Variants in TULP4 observed in about 807,000 individuals in gnomAD.
TULP4 encodes TUB like protein 4.
A neutral mutation model predicts 129.0 loss-of-function variants in TULP4; 16 were observed. The ratio of observed to expected loss-of-function variants is 0.12; its 90% CI spans 0.08 to 0.19. The LOEUF (loss-of-function observed/expected upper bound fraction) is 0.19, where lower values mean the gene tolerates loss of function less well. Ranked by LOEUF, TULP4 falls within the 10% of genes least tolerant of loss-of-function variation. The probability of loss-of-function intolerance (pLI) is 1.00; values close to 1 mark genes in which losing one functional copy is unlikely to be tolerated. For synonymous variants in TULP4, 998 were observed against 854.0 expected, an observed-to-expected ratio of 1.17 and a Z score of -2.94; for missense variants, 1,842 against 2,059.1, an observed-to-expected ratio of 0.89 and a Z score of 2.04.
intron 13 of TULP4, among the ~76,000 whole-genome samples, chr6:158,506,011 G>C (rs938301780): frequency 1.3e-5 from 2 of 151,940 alleles, no homozygotes; most frequent in African/African-American, 2.4e-5. Context: ...GATGGAGCTG[G>C]AGGCCATTGT....
rs370177605 is a variant in TULP4, at chr6:158,502,583, G to A, written c.2920G>A (p.Ala974Thr). ...IASQLAQGRG[A>T]AQRSDNSLIH... is the part of the protein sequence containing the mutation. ...CAGCCAGCTGGCCCAGGGGCGGGGGGCTGCCCAGAGGTCCGACAATAGCCT... is the reference window on the plus strand; with the variant it reads ...CAGCCAGCTGGCCCAGGGGCGGGGGACTGCCCAGAGGTCCGACAATAGCCT... Residue 974 changes from alanine to threonine, a missense_variant, in exon 13 of 14, where the codon GCT (alanine) becomes ACT (threonine). This residue lies in a region of TULP4 where 1,089 missense variants were observed against 987.1 expected (regional missense o/e 1.10). Coordinates refer to ENST00000367097, the MANE Select transcript of TULP4 (RefSeq NM_020245.5). 51 of 1,602,854 alleles carry A rather than the reference G, an allele frequency of 3.2e-5. No individual in the cohort carries two copies. Among genetic ancestry groups the A allele is most frequent in the Non-Finnish European group, 4.0e-5 (47 of 1,179,840 alleles).
chr6:158,276,877 CAT>C (rs773759760), intron 1 of TULP4, among the ~76,000 whole-genome samples: 16 of 151,948 alleles, frequency 1.1e-4, no homozygotes, highest in Admixed American at 7.9e-4. Context: ...TTAGAACCCA[CAT>C]GTTTGTTTGT....
chr6:158,461,442 T>G, intron 5 of TULP4, 121 bp from the exon 6 acceptor site: 3 of 893,614 alleles, frequency 3.4e-6, no homozygotes, highest in Non-Finnish European at 5.0e-6. Context: ...AAACCATGAA[T>G]ATATTTTTGT....
chr6:158,331,376 AT>A (rs1779874409), intron 1 of TULP4, among the ~76,000 whole-genome samples: 1 of 151,904 alleles, frequency 6.6e-6, no homozygotes, highest in Non-Finnish European at 1.5e-5. Flanking sequence ...TTCAATGATT[AT>A]TTCCTTTGAT....
At chr6:158,296,191 C>G (rs538334026) in intron 1 of TULP4, among the ~76,000 whole-genome samples, 1 of 151,486 alleles carries the variant, frequency 6.6e-6, no homozygotes, top group African/African-American at 2.4e-5. Context: ...TTTCCTTTCC[C>G]TTTCCCTTCC....
chr6:158,438,456 G>A (rs1223772986), intron 3 of TULP4, among the ~76,000 whole-genome samples: 3 of 152,218 alleles, frequency 2.0e-5, no homozygotes, highest in Non-Finnish European at 2.9e-5. Context: ...GGAGAGGCAC[G>A]TGTTCCTGCT....
rs1359623288 is a variant in TULP4 at position 158,499,255 on chromosome 6, G to A, written c.2014+443G>A. Among the ~76,000 whole-genome samples the A allele has an allele frequency of 3.9e-5, 6 of 152,210 alleles. No homozygotes were observed. The South Asian group carries it at 8.3e-4, about 21-fold the overall frequency. On this transcript the variant is annotated intron_variant, in intron 12 of 13. Coordinates refer to ENST00000367097, the MANE Select transcript of TULP4 (RefSeq NM_020245.5). The stretch of plus-strand genomic sequence containing the variant: ...TCTCACTCCAGCATTCCCGTGGTGC[G>A]CACAGAGCCCAGTTTCTCAAATCTG...
chr6:158,343,932 G>A (rs1780244316), intron 1 of TULP4, among the ~76,000 whole-genome samples: 1 of 152,170 alleles, frequency 6.6e-6, no homozygotes, highest in South Asian at 2.1e-4. Flanking sequence ...CCTGTGACCT[G>A]CACGTATACA....
chr6:158,446,975 CG>C (rs1489316294), intron 3 of TULP4, among the ~76,000 whole-genome samples: 3 of 152,088 alleles, frequency 2.0e-5, no homozygotes, highest in Non-Finnish European at 4.4e-5. Flanking sequence ...ATTGGGGAGG[CG>C]GGGAGCTCAT....
chr6:158,451,345 G>T (rs1361942177), intron 4 of TULP4, among the ~76,000 whole-genome samples: 2 of 152,186 alleles, frequency 1.3e-5, no homozygotes, highest in African/African-American at 4.8e-5. Flanking sequence ...CAATAACTGG[G>T]CTTCCTCTGC....
chr6:158,415,349 C>CTTTTT (rs561619354), intron 2 of TULP4, among the ~76,000 whole-genome samples: 1 of 130,614 alleles, frequency 7.7e-6, no homozygotes, highest in Admixed American at 8.1e-5. Flanking sequence ...GAGTGTGCTT[C>CTTTTT]TTTTTTTTTT....
intron 12 of TULP4, among the ~76,000 whole-genome samples, chr6:158,500,680 C>T (rs191213041): frequency 2.2e-4 from 33 of 152,310 alleles, no homozygotes; most frequent in African/African-American, 7.5e-4. Flanking sequence ...AATGCACGCA[C>T]GCTCTGTTAA....
At chr6:158,501,536 C>T in intron 12 of TULP4, 142 bp from the exon 13 acceptor site, 1 of 837,268 alleles carries the variant, frequency 1.2e-6, no homozygotes, top group Non-Finnish European at 1.8e-6. Flanking sequence ...GCCAGCTTTC[C>T]CCAAGCAGAC....
At chr6:158,281,965 G>A (rs1778762116), upstream of TULP4, among the ~76,000 whole-genome samples, 4 of 152,074 alleles carry the variant, frequency 2.6e-5, no homozygotes, top group South Asian at 8.3e-4. Context: ...AATCTATCCT[G>A]AGTCTCTCTT....
chr6:158,420,173 A>G (rs141751833), intron 2 of TULP4, among the ~76,000 whole-genome samples: 168 of 152,392 alleles, frequency 1.1e-3, no homozygotes, highest in African/African-American at 3.5e-3. Context: ...TTTTATTGAC[A>G]AAATTTAAAA....
At chr6:158,331,053 C>A (rs546722214) in intron 1 of TULP4, among the ~76,000 whole-genome samples, 3 of 152,152 alleles carry the variant, frequency 2.0e-5, no homozygotes, top group Non-Finnish European at 4.4e-5. Context: ...GATCACCTGG[C>A]CAAAGTGCTG....
chr6:158,428,376 A>G (rs1778552063), intron 2 of TULP4: 1 of 152,216 alleles, frequency 6.6e-6, no homozygotes, highest in Non-Finnish European at 1.5e-5. Context: ...CGGGTCTACT[A>G]CATTCATGAA....
At chr6:158,301,799 C>T (rs1779135422) in intron 1 of TULP4, among the ~76,000 whole-genome samples, 1 of 152,152 alleles carries the variant, frequency 6.6e-6, no homozygotes, top group African/African-American at 2.4e-5. Flanking sequence ...GGGTGAAAGT[C>T]CTGGGACTGC....
chr6:158,482,895 C>T (rs1368272227), intron 8 of TULP4, among the ~76,000 whole-genome samples: 1 of 152,200 alleles, frequency 6.6e-6, no homozygotes, highest in Non-Finnish European at 1.5e-5. Flanking sequence ...GACCCGACTA[C>T]GCCAAATGCC....
Sources: allele counts gnomAD v4.1 joint callset (sites outside exome capture counted in the v4.1 genomes callset), GRCh38; gene constraint gnomAD v4.1.1; regional missense constraint gnomAD v4.1.1; transcripts MANE v1.5; gene names NCBI Gene and HGNC (gene_info 2026-07-23, HGNC 2026-07-21).